DMD: variants seen among roughly 807,000 people sequenced by gnomAD.
The protein encoded by DMD is dystrophin.
DMD carries 63 observed loss-of-function variants against 330.1 expected under a neutral mutation model. The observed-to-expected ratio is 0.19, with a 90% CI of 0.16 to 0.24. The LOEUF (loss-of-function observed/expected upper bound fraction) is 0.24, where lower values mean the gene tolerates loss of function less well. Ranked by LOEUF, DMD falls within the 10% of genes least tolerant of loss-of-function variation. The pLI, the probability that DMD is intolerant of heterozygous loss-of-function variation, is 1.00. For missense variants in DMD, 3,344 were observed against 2,684.1 expected (o/e 1.25, Z -5.43); for synonymous variants, 1,223 against 959.8 (o/e 1.27, Z -5.07).
At position 31,121,504 on chromosome X, in the gene DMD, A is replaced by T. The variant is rs1457129291; in HGVS notation, c.*415T>A. On this transcript the variant is annotated 3_prime_UTR_variant, in exon 79 of 79. Transcript: ENST00000357033. ...TTTTATAAACAACTTTTTTTTATAAAGCACACTTTAGTTTACAATCTTTCT... is the reference window on the plus strand; with the variant it reads ...TTTTATAAACAACTTTTTTTTATAATGCACACTTTAGTTTACAATCTTTCT... The T allele has an allele frequency of 2.2e-5, 4 of 180,609 alleles. No individual in the cohort carries two copies. 14.9% of individuals were successfully genotyped at this position (180,609 alleles called of 1,213,427 possible).
At chrX:31,498,128 G>A (rs775669280) in intron 56 of DMD, among the ~76,000 whole-genome samples, 1 of 111,777 alleles carries the variant, frequency 8.9e-6, no homozygotes. Flanking sequence ...AATGTGCAAA[G>A]ACAATGACCC....
Position 32,684,137 on chromosome X carries a change from G to T in DMD, c.960+13733C>A, listed in dbSNP as rs193231830. On this transcript the variant is annotated intron_variant, in intron 9 of 78. Coordinates refer to ENST00000357033, the MANE Select transcript of DMD (RefSeq NM_004006.3). ...GGCACAGAGATAAAGTGCTGTTAGA[G>T]ACAACCCATATGTATAACTTCGAAT... Among the ~76,000 whole-genome samples, 377 of 109,375 alleles carry T rather than the reference G, an allele frequency of 3.4e-3. 5 individuals carry two copies. Among genetic ancestry groups the T allele is most frequent in the Admixed American group, 0.029 (295 of 10,116 alleles). The allele number at this position is 109,375 out of a possible 115,157, so 95.0% of individuals were successfully genotyped here.
chrX:32,917,006 C>A (rs754421486), intron 2 of DMD, among the ~76,000 whole-genome samples: 7 of 111,240 alleles, frequency 6.3e-5, no homozygotes, highest in South Asian at 3.8e-4. Context: ...GCTCTGTGTC[C>A]CCACCCAAAT....
chrX:32,788,892 T>C (rs758866395), intron 7 of DMD, among the ~76,000 whole-genome samples: 9 of 112,062 alleles, frequency 8.0e-5, no homozygotes, highest in Non-Finnish European at 1.3e-4. Flanking sequence ...ATGAAAGACA[T>C]TTTTATTGGC....
At chrX:32,357,063 A>AT (rs763831011) in intron 37 of DMD, among the ~76,000 whole-genome samples, 1 of 110,548 alleles carries the variant, frequency 9.0e-6, no homozygotes, top group South Asian at 3.9e-4. Flanking sequence ...TAATTTTTGT[A>AT]TTTTTAGTAG....
intron 52 of DMD, among the ~76,000 whole-genome samples, chrX:31,725,988 T>C (rs2086015304): frequency 8.9e-6 from 1 of 112,405 alleles, no homozygotes; most frequent in Non-Finnish European, 1.9e-5. Flanking sequence ...TCTAATCTTA[T>C]CTGCTTTTGG....
intron 30 of DMD, among the ~76,000 whole-genome samples, chrX:32,403,999 A>T (rs767151696): frequency 6.5e-4 from 73 of 112,137 alleles, no homozygotes; most frequent in African/African-American, 2.3e-3. Flanking sequence ...AGTCTGTTTT[A>T]TTCCTTAATG....
chrX:31,486,409 C>A (rs1228986429), intron 57 of DMD, among the ~76,000 whole-genome samples: 7 of 112,343 alleles, frequency 6.2e-5, no homozygotes, highest in Non-Finnish European at 1.3e-4. Context: ...ATGGACAGAT[C>A]TTATTCTAGG....
chrX:32,764,335 T>C (rs1320563226), intron 7 of DMD, among the ~76,000 whole-genome samples: 1 of 111,427 alleles, frequency 9.0e-6, no homozygotes, highest in Non-Finnish European at 1.9e-5. Context: ...ATTCTAATCA[T>C]TTATAAGCAT....
chrX:31,508,108 G>C lies in DMD; in HGVS notation c.8218-655C>G, dbSNP rs1001814292. On this transcript the variant is annotated intron_variant, in intron 55 of 78. Coordinates refer to ENST00000357033, the MANE Select transcript of DMD (RefSeq NM_004006.3). ...CATTTTTAGGCTTGACAGGTGGAAA[G>C]TACATAGGACCTTGGTAAGAGTTAT... The C allele has an allele frequency of 1.1e-5, 7 of 647,038 alleles. No homozygotes were observed. The African/African-American group carries it at 1.6e-4, about 14-fold the overall frequency. 53.3% of individuals were successfully genotyped at this position (647,038 alleles called of 1,213,427 possible).
chrX:32,098,430 T>C (rs1053078912), intron 44 of DMD, among the ~76,000 whole-genome samples: 1 of 112,027 alleles, frequency 8.9e-6, no homozygotes, highest in Non-Finnish European at 1.9e-5. Flanking sequence ...CACCAGGTAC[T>C]ATACTGATGG....
intron 45 of DMD, among the ~76,000 whole-genome samples, chrX:31,951,143 G>GTATATA (rs796324072): frequency 9.1e-4 from 68 of 74,319 alleles, no homozygotes; most frequent in South Asian, 1.1e-3. Flanking sequence ...ATATATATGT[G>GTATATA]TATATATATA....
intron 44 of DMD, among the ~76,000 whole-genome samples, chrX:32,169,589 T>C (rs1178412566): frequency 8.9e-6 from 1 of 111,788 alleles, no homozygotes; most frequent in African/African-American, 3.2e-5. Context: ...ATCCAAAAAA[T>C]ATTGACAATT....
At chrX:31,787,506 T>C (rs1469736843) in intron 50 of DMD, among the ~76,000 whole-genome samples, 3 of 112,449 alleles carry the variant, frequency 2.7e-5, no homozygotes, top group South Asian at 7.4e-4. Context: ...AAAGTAGTTT[T>C]ACACTCCTTG....
intron 2 of DMD, among the ~76,000 whole-genome samples, chrX:32,893,865 T>C (rs2085450671): frequency 9.0e-6 from 1 of 111,156 alleles, no homozygotes; most frequent in Non-Finnish European, 1.9e-5. Flanking sequence ...GTCAACGGGG[T>C]GTTAAGAAAA....
At chrX:33,077,855 CATA>C (rs2094869369) in intron 1 of DMD, among the ~76,000 whole-genome samples, 1 of 112,314 alleles carries the variant, frequency 8.9e-6, no homozygotes, top group Non-Finnish European at 1.9e-5. Context: ...TCTTTTGAAG[CATA>C]ATATTTCTCT....
chrX:32,409,550 T>G (rs1444123057), intron 30 of DMD, among the ~76,000 whole-genome samples: 1 of 111,579 alleles, frequency 9.0e-6, no homozygotes, highest in Non-Finnish European at 1.9e-5. Context: ...CAACTAAAGA[T>G]GCTTCGCCCT....
At chrX:32,895,175 T>C (rs1387544849) in intron 2 of DMD, among the ~76,000 whole-genome samples, 1 of 112,101 alleles carries the variant, frequency 8.9e-6, no homozygotes, top group African/African-American at 3.2e-5. Flanking sequence ...CATCTCCAAA[T>C]ATCGTCCCAT....
intron 2 of DMD, among the ~76,000 whole-genome samples, chrX:32,966,073 C>G (rs899301418): frequency 8.9e-6 from 1 of 112,143 alleles, no homozygotes; most frequent in African/African-American, 3.2e-5. Flanking sequence ...AGGATTCTCA[C>G]TTGTCCAATG....
Sources: allele counts gnomAD v4.1 joint callset (sites outside exome capture counted in the v4.1 genomes callset), GRCh38; gene constraint gnomAD v4.1.1; transcripts MANE v1.5; gene names NCBI Gene and HGNC (gene_info 2026-07-23, HGNC 2026-07-21).